The following SORCS2 variants were observed in gnomAD, a reference collection of about 807,000 sequenced individuals.
SORCS2 encodes the protein VPS10 domain-containing receptor SorCS2.
In SORCS2, 100 loss-of-function variants were observed where a neutral mutation model predicts 141.6. That is an observed-to-expected ratio of 0.71 (90% confidence interval 0.60 to 0.83). The LOEUF (loss-of-function observed/expected upper bound fraction) is 0.83, where lower values mean the gene tolerates loss of function less well. Among genes scored for constraint, SORCS2 ranks in the 40% least tolerant of loss-of-function variants. The pLI is 0.00. For missense variants in SORCS2, 1,646 were observed against 1,560.2 expected (o/e 1.05, Z -0.93); for synonymous variants, 789 against 676.9 (o/e 1.17, Z -2.57).
chr4:7,198,047 G>A (rs1355822993), intron 1 of SORCS2, among the ~76,000 whole-genome samples: 1 of 152,202 alleles, frequency 6.6e-6, no homozygotes, highest in Non-Finnish European at 1.5e-5. Flanking sequence ...TGGAGGCACT[G>A]TGGGGGATGG....
At chr4:7,302,994 C>T (rs71601833) in intron 1 of SORCS2, among the ~76,000 whole-genome samples, 2 of 152,202 alleles carry the variant, frequency 1.3e-5, no homozygotes, top group Non-Finnish European at 2.9e-5. Flanking sequence ...ACCTCCAAGC[C>T]TCCGTGGAGG....
intron 2 of SORCS2, among the ~76,000 whole-genome samples, chr4:7,401,954 C>A (rs903880173): frequency 2.6e-5 from 4 of 152,168 alleles, no homozygotes; most frequent in African/African-American, 9.7e-5. Context: ...TGGTAGGACA[C>A]ATGCCCAGGT....
chr4:7,642,139 C>G (rs997108542), intron 4 of SORCS2, among the ~76,000 whole-genome samples: 7 of 152,218 alleles, frequency 4.6e-5, no homozygotes, highest in African/African-American at 1.7e-4. Context: ...AGATTCCTGG[C>G]TGTCCTTTGC....
chr4:7,674,649 C>T (rs1171159418), intron 8 of SORCS2, among the ~76,000 whole-genome samples: 1 of 149,142 alleles, frequency 6.7e-6, no homozygotes, highest in Non-Finnish European at 1.5e-5. Context: ...CTGCATAGCA[C>T]AGGGAACAGG....
At chr4:7,688,125 G>A (rs1437195707) in intron 10 of SORCS2, among the ~76,000 whole-genome samples, 2 of 152,152 alleles carry the variant, frequency 1.3e-5, no homozygotes, top group East Asian at 1.9e-4. Context: ...TGTGTAAAAC[G>A]TAAGCAATTC....
chr4:7,586,582 T>C (rs1298360836), intron 3 of SORCS2, among the ~76,000 whole-genome samples: 1 of 152,208 alleles, frequency 6.6e-6, no homozygotes, highest in Non-Finnish European at 1.5e-5. Flanking sequence ...ATGTGGTGTT[T>C]GGTTTTTCTG....
chr4:7,638,618 C>A, intron 4 of SORCS2, 126 bp downstream of exon 4: 1 of 1,008,346 alleles, frequency 9.9e-7, no homozygotes, highest in Non-Finnish European at 1.4e-6. Flanking sequence ...AGGAGCCTCC[C>A]GGGGCTGGGG....
At position 7,250,243 on chromosome 4, in the gene SORCS2, AAAAG is replaced by A. The variant is rs34312209; in HGVS notation, c.480+57144_480+57147del. ...GGTGATTGAGCGAGGGCTCTGTCTA[AAAAG>A]AAAGAAAGAAAGAAAGAAAGAAAGA... On this transcript the variant is annotated intron_variant, in intron 1 of 26. Transcript: ENST00000507866. Among the ~76,000 whole-genome samples the A allele has an allele frequency of 6.1e-3, 920 of 151,148 alleles. 11 individuals are homozygous for A. Among genetic ancestry groups the A allele is most frequent in the African/African-American group, 0.015 (614 of 40,878 alleles).
At chr4:7,723,918 T>C in intron 19 of SORCS2, 35 bp downstream of exon 19, 1 of 1,549,078 alleles carries the variant, frequency 6.5e-7, no homozygotes, top group Non-Finnish European at 8.7e-7. Context: ...CAAAGGTCAC[T>C]CCCTTTGAGA....
intron 2 of SORCS2, among the ~76,000 whole-genome samples, chr4:7,526,617 A>T (rs1733711810): frequency 6.6e-6 from 1 of 152,142 alleles, no homozygotes; most frequent in African/African-American, 2.4e-5. Context: ...AGGTGCCCAG[A>T]CCCATAGAGT....
intron 2 of SORCS2, among the ~76,000 whole-genome samples, chr4:7,500,185 C>A (rs1731878355): frequency 6.6e-6 from 1 of 152,078 alleles, no homozygotes; most frequent in Admixed American, 6.5e-5. Context: ...CCTATCAGCT[C>A]CCTCCACTCT....
chr4:7,693,639 C>T (rs1189278261), intron 11 of SORCS2, among the ~76,000 whole-genome samples: 1 of 152,252 alleles, frequency 6.6e-6, no homozygotes, highest in Non-Finnish European at 1.5e-5. Flanking sequence ...CCATCCCTAG[C>T]CCTGGCAGAG....
At chr4:7,381,524 G>A (rs1032121837) in intron 1 of SORCS2, among the ~76,000 whole-genome samples, 1 of 152,224 alleles carries the variant, frequency 6.6e-6, no homozygotes, top group Non-Finnish European at 1.5e-5. Flanking sequence ...CCTCCTCCCT[G>A]GTGAAGGCTG....
chr4:7,237,644 A>G (rs1174725884), intron 1 of SORCS2, among the ~76,000 whole-genome samples: 11 of 152,118 alleles, frequency 7.2e-5, no homozygotes, highest in African/African-American at 1.2e-4. Flanking sequence ...ACGGGATTCT[A>G]TGTCCTGAAA....
intron 5 of SORCS2, among the ~76,000 whole-genome samples, 173 bp from the exon 6 acceptor site, chr4:7,661,327 C>T (rs1378415233): frequency 1.4e-5 from 2 of 146,362 alleles, no homozygotes; most frequent in African/African-American, 5.2e-5. Flanking sequence ...CGCAGAGACT[C>T]CAAGCACCTC....
chr4:7,308,153 C>G (rs1265588555), intron 1 of SORCS2, among the ~76,000 whole-genome samples: 1 of 152,172 alleles, frequency 6.6e-6, no homozygotes, highest in African/African-American at 2.4e-5. Flanking sequence ...ATCCCTCTCC[C>G]TCTCAGGGGC....
At chr4:7,463,601 C>T (rs962835151) in intron 2 of SORCS2, among the ~76,000 whole-genome samples, 6 of 152,192 alleles carry the variant, frequency 3.9e-5, no homozygotes, top group South Asian at 2.1e-4. Context: ...AAACAATCAA[C>T]GCTGGAGGCT....
chr4:7,199,139 G>C (rs1727345876), intron 1 of SORCS2, among the ~76,000 whole-genome samples: 1 of 152,086 alleles, frequency 6.6e-6, no homozygotes, highest in Non-Finnish European at 1.5e-5. Flanking sequence ...CTCTCGACCT[G>C]GGCCCTAGTT....
intron 3 of SORCS2, among the ~76,000 whole-genome samples, chr4:7,634,174 G>C: frequency 6.6e-6 from 1 of 151,934 alleles, no homozygotes; most frequent in African/African-American, 2.4e-5. Flanking sequence ...AGGAGTTTGA[G>C]ACCAGTCTGG....
Sources: gnomAD v4.1 joint callset for allele counts (sites outside exome capture counted in the v4.1 genomes callset) on GRCh38, gnomAD v4.1.1 for gene constraint, MANE v1.5 for transcripts, NCBI Gene and HGNC (gene_info 2026-07-23, HGNC 2026-07-21) for gene names.